RFK: variants seen among roughly 807,000 people sequenced by gnomAD.
The protein encoded by RFK is 0610038L10Rik.
In RFK, 4 loss-of-function variants were observed where a neutral mutation model predicts 17.6. The ratio of observed to expected loss-of-function variants is 0.23; its 90% CI spans 0.11 to 0.52. The LOEUF (loss-of-function observed/expected upper bound fraction) is 0.52. Among genes scored for constraint, RFK ranks in the 20% least tolerant of loss-of-function variants. The probability of loss-of-function intolerance (pLI) is 0.96; values close to 1 mark genes in which losing one functional copy is unlikely to be tolerated. For synonymous variants in RFK, 59 were observed against 63.8 expected, an observed-to-expected ratio of 0.92 and a Z score of 0.36; for missense variants, 189 against 187.7, an observed-to-expected ratio of 1.01 and a Z score of -0.04.
chr9:76,392,887 G>A (rs1822835713), intron 1 of RFK, among the ~76,000 whole-genome samples: 1 of 152,192 alleles, frequency 6.6e-6, no homozygotes, highest in African/African-American at 2.4e-5. Flanking sequence ...CTGAGTGGCA[G>A]AGCCAGATTC....
intron 2 of RFK, among the ~76,000 whole-genome samples, chr9:76,390,450 G>A (rs1033271805): frequency 3.3e-5 from 5 of 152,112 alleles, no homozygotes; most frequent in African/African-American, 1.2e-4. Context: ...GACTGCTTGA[G>A]CCCAAAAGTT....
chr9:76,387,463 T>A lies in RFK; in HGVS notation c.404A>T (p.His135Leu). ...GAAATTGTCTTCTTTGATTTTCAAA[T>A]GTTCTGGTAACTCTAGTCGTTTCTT... ...EAKKRLELPEHLKIKEDNFFQ... is the reference protein window; with the variant it reads ...EAKKRLELPELLKIKEDNFFQ... Residue 135 changes from histidine to leucine, a missense_variant, in exon 4 of 4, where the codon CAT becomes CTT. Transcript: ENST00000376736. 6.2e-7 allele frequency: 1 copy of A among 1,612,074 alleles called. No homozygotes were observed. The highest frequency in any genetic ancestry group is 1.1e-5 in the South Asian group (1 of 91,050).
At position 76,393,208 on chromosome 9, in the gene RFK, C is replaced by CTT. The variant is rs10716702; in HGVS notation, c.83-641_83-640dup. Among the ~76,000 whole-genome samples, 47 of 131,820 alleles carry CTT rather than the reference C, an allele frequency of 3.6e-4. 1 individual carries two copies. The highest frequency in any genetic ancestry group is 7.8e-3 in the Middle Eastern group (2 of 256). 86.5% of individuals were successfully genotyped at this position (131,820 alleles called of 152,430 possible). On this transcript the variant is annotated intron_variant, in intron 1 of 3. Transcript: ENST00000376736. ...ACTGAATCACCTGAAAAGTTTCTTTCTTTTTTTTTTTTTTTTGAGACGGTG... is the reference window on the plus strand; with the variant it reads ...ACTGAATCACCTGAAAAGTTTCTTTCTTTTTTTTTTTTTTTTTTGAGACGGTG...
chr9:76,390,545 T>G (rs149752344), intron 2 of RFK, among the ~76,000 whole-genome samples: 4 of 152,122 alleles, frequency 2.6e-5, no homozygotes, highest in Non-Finnish European at 5.9e-5. Flanking sequence ...ATGCCTGTGG[T>G]CCTAGCTACT....
At position 76,387,155 on chromosome 9, in the gene RFK, G is replaced by C. The variant is rs1822744847; in HGVS notation, c.*244C>G. The C allele has an allele frequency of 5.8e-6, 2 of 344,864 alleles. No homozygotes were observed. Among genetic ancestry groups the C allele is most frequent in the African/African-American group, 4.1e-5 (2 of 48,506 alleles). The allele number at this position is 344,864 out of a possible 1,614,324, so 21.4% of individuals were successfully genotyped here. ...CTTATACACATGTAATACCTTTCTA[G>C]TGGTACATTTTAATCAATATATATT... On this transcript the variant is annotated 3_prime_UTR_variant, in exon 4 of 4. Coordinates refer to ENST00000376736, the MANE Select transcript of RFK (RefSeq NM_018339.6).
chr9:76,390,729 C>CAT (rs900032944), intron 2 of RFK, among the ~76,000 whole-genome samples: 1 of 131,844 alleles, frequency 7.6e-6, no homozygotes, highest in African/African-American at 2.6e-5. Context: ...AAAAAAACCA[C>CAT]ACACACACAC....
intron 2 of RFK, among the ~76,000 whole-genome samples, chr9:76,389,145 G>A (rs1156816012): frequency 6.6e-6 from 1 of 152,208 alleles, no homozygotes; most frequent in African/African-American, 2.4e-5. Flanking sequence ...CCTGATCAGG[G>A]AGTAAAGTGG....
At chr9:76,387,703 A>G (rs1460469422) in intron 3 of RFK, 174 bp from the exon 4 acceptor site, 2 of 576,252 alleles carry the variant, frequency 3.5e-6, no homozygotes, top group Non-Finnish European at 5.9e-6. Context: ...ATGGTACACA[A>G]AAGATATGTC....
chr9:76,389,477 T>A (rs1008688996), intron 2 of RFK, among the ~76,000 whole-genome samples: 1 of 152,130 alleles, frequency 6.6e-6, no homozygotes, highest in Non-Finnish European at 1.5e-5. Flanking sequence ...TATGTAAGAC[T>A]GGTTGGGTGC....
chr9:76,387,571 T>C (rs1479296717), intron 3 of RFK, 42 bp from the exon 4 acceptor site: 1 of 1,575,250 alleles, frequency 6.3e-7, no homozygotes, highest in Non-Finnish European at 8.6e-7. Flanking sequence ...GAAAAACCAT[T>C]AACATACTTT....
rs1182629521 is a variant in RFK, at chr9:76,385,725, C to G, written c.*1674G>C. On this transcript the variant is annotated 3_prime_UTR_variant, in exon 4 of 4. Transcript: ENST00000376736. Reference sequence around the variant, plus strand: ...AAAAGGACAATAACATATCAAAGAACTTTCACACACCTAAAGATAGCATTT... The same window carrying G: ...AAAAGGACAATAACATATCAAAGAAGTTTCACACACCTAAAGATAGCATTT... 3.9e-5 allele frequency: 6 copies of G among 152,272 alleles called. No homozygotes were observed. The highest frequency in any genetic ancestry group is 4.1e-4 in the South Asian group (2 of 4,820). The allele number at this position is 152,272 out of a possible 1,614,324, so 9.4% of individuals were successfully genotyped here. A position where few individuals can be genotyped will look rare whatever the true frequency, so the allele number is the denominator to read the frequency against.
intron 1 of RFK, among the ~76,000 whole-genome samples, chr9:76,393,475 G>C (rs1822845035): frequency 6.6e-6 from 1 of 152,166 alleles, no homozygotes; most frequent in African/African-American, 2.4e-5. Context: ...CCAAAGTGCT[G>C]GGATTACAGG....
At chr9:76,388,677 A>G (rs765196840) in intron 2 of RFK, 21 bp from the exon 3 acceptor site, 28 of 1,406,396 alleles carry the variant, frequency 2.0e-5, no homozygotes, top group Non-Finnish European at 2.7e-5. Context: ...GAAATGTTAC[A>G]AAGAGTGCTA....
Position 76,387,398 on chromosome 9 carries a change from A to G in RFK, c.*1T>C, listed in dbSNP as rs766172625. The G allele has an allele frequency of 1.2e-5, 19 of 1,602,536 alleles. No homozygotes were observed. Among genetic ancestry groups the G allele is most frequent in the East Asian group, 2.2e-5 (1 of 44,792 alleles). On this transcript the variant is annotated 3_prime_UTR_variant, in exon 4 of 4. Transcript: ENST00000376736. Reference sequence around the variant, plus strand: ...GAATGAATAAATAATACAATTTTTCATCAGTGGCCATTCATTATTTTGCTT... The same window carrying G: ...GAATGAATAAATAATACAATTTTTCGTCAGTGGCCATTCATTATTTTGCTT...
At chr9:76,392,379 C>T in intron 2 of RFK, 39 bp downstream of exon 2, 1 of 1,601,576 alleles carries the variant, frequency 6.2e-7, no homozygotes, top group Non-Finnish European at 8.6e-7. Context: ...TCTAAGTCAT[C>T]ATACCATTTT....
chr9:76,386,304 A>G lies in RFK; in HGVS notation c.*1095T>C, dbSNP rs1822729488. On this transcript the variant is annotated 3_prime_UTR_variant, in exon 4 of 4. Transcript: ENST00000376736. ...TAAATTACATCGTGCATATACAACT[A>G]CACCCATTTAGATTTGCCTTGGAAT... 3 of 152,180 alleles carry G rather than the reference A, an allele frequency of 2.0e-5. No homozygotes were observed. The highest frequency in any genetic ancestry group is 7.2e-5 in the African/African-American group (3 of 41,450). The allele number at this position is 152,180 out of a possible 1,614,324, so 9.4% of individuals were successfully genotyped here.
intron 1 of RFK, among the ~76,000 whole-genome samples, chr9:76,392,907 A>C (rs1490886479): frequency 6.6e-6 from 1 of 152,226 alleles, no homozygotes; most frequent in African/African-American, 2.4e-5. Context: ...CTGTCTCAAA[A>C]TAATAATAAG....
At chr9:76,388,376 G>A in intron 3 of RFK, 178 bp downstream of exon 3, 1 of 644,444 alleles carries the variant, frequency 1.6e-6, no homozygotes, top group Non-Finnish European at 2.8e-6. Context: ...TGAGAAATAG[G>A]CAAAATAATC....
intron 1 of RFK, 41 bp from the exon 2 acceptor site, chr9:76,392,610 G>A (rs1822832636): frequency 3.1e-6 from 5 of 1,603,648 alleles, no homozygotes; most frequent in Admixed American, 1.7e-5. Flanking sequence ...TACAAATTTC[G>A]TATTAAATGC....
Sources: gnomAD v4.1 joint callset for allele counts (sites outside exome capture counted in the v4.1 genomes callset) on GRCh38, gnomAD v4.1.1 for gene constraint, MANE v1.5 for transcripts, NCBI Gene and HGNC (gene_info 2026-07-23, HGNC 2026-07-21) for gene names.